RGS22: variants seen among roughly 807,000 people sequenced by gnomAD.
RGS22 encodes regulator of G-protein signaling 22.
A neutral mutation model predicts 172.9 loss-of-function variants in RGS22; 148 were observed. The observed-to-expected ratio is 0.86, with a 90% CI of 0.75 to 0.98. The LOEUF (loss-of-function observed/expected upper bound fraction) is 0.98, where lower values mean the gene tolerates loss of function less well. Among genes scored for constraint, RGS22 ranks in the 50% least tolerant of loss-of-function variants. RGS22 has a pLI of 0.00. For missense variants in RGS22, 1,347 were observed against 1,440.8 expected (o/e 0.93, Z 1.05); for synonymous variants, 458 against 480.2 (o/e 0.95, Z 0.60).
chr8:99,989,647 C>G (rs1055095347), intron 20 of RGS22, among the ~76,000 whole-genome samples: 2 of 151,864 alleles, frequency 1.3e-5, no homozygotes, highest in South Asian at 4.2e-4. Flanking sequence ...AGTTCAAGAC[C>G]AGCCTGGGGA....
At chr8:100,028,120 G>A (rs867617424) in intron 14 of RGS22, among the ~76,000 whole-genome samples, 1 of 152,064 alleles carries the variant, frequency 6.6e-6, no homozygotes, top group African/African-American at 2.4e-5. Context: ...CCAGGGCCTT[G>A]TCTGTGCCTT....
intron 3 of RGS22, among the ~76,000 whole-genome samples, chr8:100,091,558 ATTG>A (rs1812584844): frequency 6.6e-6 from 1 of 152,202 alleles, no homozygotes; most frequent in Non-Finnish European, 1.5e-5. Context: ...TGTCTATAAT[ATTG>A]TTATGTCATC....
chr8:100,013,076 G>A (rs945054997), intron 14 of RGS22, among the ~76,000 whole-genome samples: 8 of 140,060 alleles, frequency 5.7e-5, no homozygotes, highest in Non-Finnish European at 1.1e-4. Context: ...TGCAAGCTCC[G>A]CCTCTTGGGT....
At chr8:100,088,504 A>G (rs1474973579) in intron 3 of RGS22, among the ~76,000 whole-genome samples, 1 of 152,118 alleles carries the variant, frequency 6.6e-6, no homozygotes, top group Non-Finnish European at 1.5e-5. Flanking sequence ...CTTGTCCATA[A>G]AGAGTTGACA....
chr8:99,982,747 T>C (rs1478917355), intron 21 of RGS22, among the ~76,000 whole-genome samples: 2 of 152,210 alleles, frequency 1.3e-5, no homozygotes, highest in East Asian at 1.9e-4. Context: ...AGTTACCCTA[T>C]TGTATTATCC....
chr8:100,010,296 G>A (rs1258385707), intron 14 of RGS22, among the ~76,000 whole-genome samples: 2 of 152,064 alleles, frequency 1.3e-5, no homozygotes, highest in Non-Finnish European at 2.9e-5. Flanking sequence ...GACCATCCTG[G>A]CCAACATGGT....
chr8:100,097,389 G>A (rs1223161630), intron 2 of RGS22, among the ~76,000 whole-genome samples: 2 of 152,092 alleles, frequency 1.3e-5, no homozygotes, highest in Non-Finnish European at 2.9e-5. Flanking sequence ...GTATTTACAG[G>A]TGAAGTTTAT....
At position 100,063,909 on chromosome 8, in the gene RGS22, A is replaced by G; in HGVS notation, c.859T>C (p.Ser287Pro). 2 of 1,608,556 alleles carry G rather than the reference A, an allele frequency of 1.2e-6. No homozygotes were observed. The highest frequency in any genetic ancestry group is 1.7e-6 in the Non-Finnish European group (2 of 1,177,434). Residue 287 changes from serine (S) to proline (P), a missense_variant, in exon 8 of 28, where the codon TCT becomes CCT. By Grantham distance (74) the Ser-to-Pro change is moderately conservative. Transcript: ENST00000360863. ...AGGTATACTCTCAGAAGAGCTTGAG[A>G]AGGAGTGTCTTGTAGAGATACAGAC... Reference protein sequence around the residue: ...EVSVSLQDTPSQALLRVYLEK... With the variant: ...EVSVSLQDTPPQALLRVYLEK...
chr8:100,076,925 G>A (rs962577157), intron 4 of RGS22, among the ~76,000 whole-genome samples: 17 of 152,152 alleles, frequency 1.1e-4, no homozygotes, highest in Non-Finnish European at 1.6e-4. Context: ...CCTGGGAGGC[G>A]GAGAGTGCAG....
chr8:100,018,212 C>CA (rs68011450), intron 14 of RGS22, among the ~76,000 whole-genome samples: 403 of 134,892 alleles, frequency 3.0e-3, no homozygotes, highest in African/African-American at 7.1e-3. Flanking sequence ...GCATCTGTAT[C>CA]AAAAAAAAAA....
intron 2 of RGS22, among the ~76,000 whole-genome samples, chr8:100,097,545 T>C (rs1271949351): frequency 1.3e-5 from 2 of 152,222 alleles, no homozygotes; most frequent in Non-Finnish European, 2.9e-5. Context: ...ACAATTCTTT[T>C]AATTCTTATA....
chr8:99,972,708 T>C (rs1004364475), intron 23 of RGS22, among the ~76,000 whole-genome samples: 2 of 152,092 alleles, frequency 1.3e-5, no homozygotes, highest in African/African-American at 4.8e-5. Flanking sequence ...TGAGATACCA[T>C]CTCACACCAG....
rs201440512 is a variant in RGS22, at chr8:99,962,076, T to A, written c.*45+318A>T. Among the ~76,000 whole-genome samples, 12 of 142,430 alleles carry A rather than the reference T, an allele frequency of 8.4e-5. No homozygotes were observed. In the South Asian group the frequency reaches 9.1e-4, roughly 11 times the overall value. 93.4% of individuals were successfully genotyped at this position (142,430 alleles called of 152,430 possible). A position where few individuals can be genotyped will look rare whatever the true frequency, so the allele number is the denominator to read the frequency against. ...CTCAATTTTTAGTTCTTTTTTTTTTTAATTTTAAGTTCCTTCTAATATTCC... is the reference window on the plus strand; with the variant it reads ...CTCAATTTTTAGTTCTTTTTTTTTTAAATTTTAAGTTCCTTCTAATATTCC... On this transcript the variant is annotated intron_variant, in intron 27 of 27. Transcript: ENST00000360863.
chr8:100,063,562 AATACACC>A lies in RGS22; in HGVS notation c.1199_1205del (p.Trp400PhefsTer21). The A allele has an allele frequency of 6.2e-7, 1 of 1,614,102 alleles. No homozygotes were observed. The highest frequency in any genetic ancestry group is 8.5e-7 in the Non-Finnish European group (1 of 1,179,998). The stretch of plus-strand genomic sequence containing the variant: ...TGCCAATGTCATAAGTCCTATGAGA[AATACACC>A]AGTCCGCCCTGCTCTCTGGTCCAGC... On this transcript the variant is annotated frameshift_variant, in exon 8 of 28. Transcript: ENST00000360863. LOFTEE classifies it high-confidence loss of function.
chr8:100,053,925 C>T (rs1033028961), intron 9 of RGS22, among the ~76,000 whole-genome samples: 8 of 152,140 alleles, frequency 5.3e-5, no homozygotes, highest in Non-Finnish European at 7.4e-5. Context: ...TGAGCCACTG[C>T]GCCTGGCCTA....
chr8:100,065,411 T>C (rs1178040889), intron 7 of RGS22, among the ~76,000 whole-genome samples: 4 of 152,206 alleles, frequency 2.6e-5, no homozygotes, highest in Admixed American at 6.5e-5. Context: ...GTATTTTCAA[T>C]TGGGGAGATT....
chr8:99,993,184 C>A (rs904053653), intron 20 of RGS22, among the ~76,000 whole-genome samples: 2 of 152,076 alleles, frequency 1.3e-5, no homozygotes, highest in Non-Finnish European at 2.9e-5. Flanking sequence ...AAAATCGACA[C>A]CCTAACATCA....
rs371132678 is a variant in RGS22, at chr8:100,004,045, T to A, written c.2508A>T (p.Lys836Asn). The change falls in exon 17 of 28, where the codon AAA becomes AAT. Residue 836 changes from lysine to asparagine, a missense_variant. Transcript: ENST00000360863. Reference protein sequence around the residue: ...TGILSLSNVSKRTEYWDNVPA... With the variant: ...TGILSLSNVSNRTEYWDNVPA... ...GAACATTATCCCAATATTCTGTTCG[T>A]TTAGAGACGTTAGAGAGTGATAAAA... 5.0e-6 allele frequency: 8 copies of A among 1,611,758 alleles called. No individual in the cohort carries two copies. The highest frequency in any genetic ancestry group is 5.9e-6 in the Non-Finnish European group (7 of 1,178,772).
chr8:100,036,888 C>T (rs146515438), intron 14 of RGS22, among the ~76,000 whole-genome samples: 98 of 152,262 alleles, frequency 6.4e-4, no homozygotes, highest in Non-Finnish European at 7.8e-4. Flanking sequence ...CATGAGCTAA[C>T]ACGCCTGGCC....
Sources: allele counts gnomAD v4.1 joint callset (sites outside exome capture counted in the v4.1 genomes callset), GRCh38; gene constraint gnomAD v4.1.1; transcripts MANE v1.5; gene names NCBI Gene and HGNC (gene_info 2026-07-23, HGNC 2026-07-21).